The following UBE2V1 variants were observed in gnomAD, a reference collection of about 807,000 sequenced individuals.
The protein encoded by UBE2V1 is ubiquitin-conjugating enzyme E2 variant 1.
A neutral mutation model predicts 19.6 loss-of-function variants in UBE2V1; 15 were observed. The observed-to-expected ratio is 0.77, with a 90% CI of 0.51 to 1.18. The LOEUF (loss-of-function observed/expected upper bound fraction) is 1.18. Ranked by LOEUF, UBE2V1 falls within the 50% of genes most tolerant of loss-of-function variation. UBE2V1 has a pLI of 0.00. For missense variants in UBE2V1, 125 were observed against 184.8 expected (o/e 0.68, Z 1.88); for synonymous variants, 60 against 60.7 (o/e 0.99, Z 0.05).
chr20:50,100,615 T>A (rs2079928366), intron 1 of UBE2V1, among the ~76,000 whole-genome samples: 1 of 151,940 alleles, frequency 6.6e-6, no homozygotes, highest in African/African-American at 2.4e-5. Context: ...GACTGTCAAA[T>A]AAATGGCAAA....
chr20:50,104,357 C>T (rs2080213648), intron 1 of UBE2V1: 1 of 982,962 alleles, frequency 1.0e-6, no homozygotes. Context: ...GACACTGTTG[C>T]CATATAATTA....
At chr20:50,102,681 C>T (rs6020264) in intron 1 of UBE2V1, among the ~76,000 whole-genome samples, 1,644 of 152,248 alleles carry the variant, frequency 0.011, 29 homozygotes, top group African/African-American at 0.038. Context: ...TGTGAGCCAC[C>T]GTGCTCGGCC....
At chr20:50,105,974 G>A (rs1265083850) in intron 1 of UBE2V1, among the ~76,000 whole-genome samples, 2 of 151,620 alleles carry the variant, frequency 1.3e-5, no homozygotes, top group Non-Finnish European at 2.9e-5. Context: ...ACAAACAAAA[G>A]GACTCTTATA....
chr20:50,084,965 C>T (rs547231996), intron 2 of UBE2V1, among the ~76,000 whole-genome samples: 64 of 141,556 alleles, frequency 4.5e-4, no homozygotes, highest in Admixed American at 4.0e-3. Flanking sequence ...GGTGCGATCT[C>T]GGCTCACCGC....
Position 50,108,256 on chromosome 20 carries a change from G to A in UBE2V1, c.22+4851C>T, listed in dbSNP as rs372044647. Among the ~76,000 whole-genome samples, 13 of 152,318 alleles carry A rather than the reference G, an allele frequency of 8.5e-5. No individual in the cohort carries two copies. In the East Asian group the frequency reaches 2.1e-3, roughly 25 times the overall value. On this transcript the variant is annotated intron_variant, in intron 1 of 3. Transcript: ENST00000371674. ...CTGGTTAGATTAGGATGACAAGAGT[G>A]GAGACAGAAAGGAGGATTTGGCATT...
chr20:50,093,303 A>G (rs745943119), intron 2 of UBE2V1, among the ~76,000 whole-genome samples: 9 of 152,250 alleles, frequency 5.9e-5, no homozygotes, highest in Admixed American at 1.3e-4. Flanking sequence ...TGTTCTTTTG[A>G]GTAAAACAAT....
At chr20:50,104,174 C>G (rs867419374) in intron 1 of UBE2V1, among the ~76,000 whole-genome samples, 1 of 147,560 alleles carries the variant, frequency 6.8e-6, no homozygotes, top group Non-Finnish European at 1.5e-5. Flanking sequence ...CCCAGCTACT[C>G]GAGAGGCTGA....
intron 1 of UBE2V1, among the ~76,000 whole-genome samples, chr20:50,101,980 C>A (rs1156315844): frequency 6.6e-6 from 1 of 152,142 alleles, no homozygotes; most frequent in Non-Finnish European, 1.5e-5. Context: ...TGGACTTTAC[C>A]TTAAGGGTAA....
intron 1 of UBE2V1, among the ~76,000 whole-genome samples, chr20:50,104,214 G>A (rs1024737055): frequency 8.0e-5 from 12 of 149,254 alleles, no homozygotes; most frequent in African/African-American, 1.2e-4. Context: ...CCTGGGAGGC[G>A]GAGGTTACAG....
upstream of UBE2V1, chr20:50,113,178 CCCGT>C (rs1316023641): frequency 8.2e-7 from 1 of 1,223,766 alleles, no homozygotes; most frequent in Non-Finnish European, 1.0e-6. Context: ...CCCCCCCTTA[CCCGT>C]CCCCCGGCCC....
Position 50,093,286 on chromosome 20 carries a change from T to C in UBE2V1, c.171+3386A>G, listed in dbSNP as rs147752864. Reference sequence around the variant, plus strand: ...ATGGTATAGACCTTTGAAATTTTGATGGAAAATGTTCTTTTGAGTAAAACA... The same window carrying C: ...ATGGTATAGACCTTTGAAATTTTGACGGAAAATGTTCTTTTGAGTAAAACA... On this transcript the variant is annotated intron_variant, in intron 2 of 3. Transcript: ENST00000371674. Among the ~76,000 whole-genome samples the C allele has an allele frequency of 9.0e-3, 1,369 of 152,390 alleles. 62 individuals carry two copies. Among genetic ancestry groups the C allele is most frequent in the Admixed American group, 0.078 (1,199 of 15,304 alleles).
intron 1 of UBE2V1, among the ~76,000 whole-genome samples, chr20:50,099,651 T>C (rs1027804811): frequency 6.6e-6 from 1 of 152,142 alleles, no homozygotes; most frequent in African/African-American, 2.4e-5. Flanking sequence ...CTCCTTCCCC[T>C]AGGAATCCAT....
At chr20:50,107,397 G>A (rs2080459196) in intron 1 of UBE2V1, among the ~76,000 whole-genome samples, 1 of 152,190 alleles carries the variant, frequency 6.6e-6, no homozygotes, top group African/African-American at 2.4e-5. Flanking sequence ...GTCCAGCCAC[G>A]TGACAACAGC....
Position 50,081,387 on chromosome 20 carries a change from T to C in UBE2V1, c.*1381A>G, listed in dbSNP as rs1191826713. On this transcript the variant is annotated 3_prime_UTR_variant, in exon 4 of 4. Transcript: ENST00000371674. ...ACCTTTAGTACACAATGAATTGCTT[T>C]TATTTCGGTATGCATCCACATTTCA... is the stretch of plus-strand genomic sequence containing the variant. 1 of 152,492 alleles carries C rather than the reference T, an allele frequency of 6.6e-6. No individual in the cohort carries two copies. The allele number at this position is 152,492 out of a possible 1,614,324, so 9.4% of individuals were successfully genotyped here.
intron 2 of UBE2V1, 167 bp from the exon 3 acceptor site, chr20:50,084,421 C>T (rs775115310): frequency 8.0e-7 from 1 of 1,246,238 alleles, no homozygotes; most frequent in Non-Finnish European, 1.1e-6. Flanking sequence ...AGTTCCTACA[C>T]TAGTTTATAT....
At chr20:50,104,801 A>G (rs2080253134) in intron 1 of UBE2V1, among the ~76,000 whole-genome samples, 1 of 152,044 alleles carries the variant, frequency 6.6e-6, no homozygotes, top group African/African-American at 2.4e-5. Context: ...ATCTCGGCTC[A>G]CTTCAACCTT....
At chr20:50,083,950 C>T (rs1191293389) in intron 3 of UBE2V1, 179 bp downstream of exon 3, 7 of 945,096 alleles carry the variant, frequency 7.4e-6, no homozygotes, top group African/African-American at 3.3e-5. Context: ...TATGAGTGAT[C>T]GCCAGATATA....
At chr20:50,101,201 A>G (rs952820956) in intron 1 of UBE2V1, among the ~76,000 whole-genome samples, 2 of 152,216 alleles carry the variant, frequency 1.3e-5, no homozygotes, top group Admixed American at 6.5e-5. Context: ...CAAGTTGTAA[A>G]GCCAGCACCA....
intron 1 of UBE2V1, chr20:50,111,641 C>A: frequency 5.1e-6 from 5 of 983,932 alleles, no homozygotes; most frequent in Non-Finnish European, 6.1e-6. Flanking sequence ...ACTCAAAAGG[C>A]AGCAGCTTGT....
Sources: gnomAD v4.1 joint callset for allele counts (sites outside exome capture counted in the v4.1 genomes callset) on GRCh38, gnomAD v4.1.1 for gene constraint, MANE v1.5 for transcripts, NCBI Gene and HGNC (gene_info 2026-07-23, HGNC 2026-07-21) for gene names.